Variants in SESTD1 observed in about 807,000 individuals in gnomAD.
SESTD1 encodes SEC14 domain and spectrin repeat-containing protein 1.
Under a neutral mutation model 101.7 loss-of-function variants are expected in SESTD1, and 43 were observed. That is an observed-to-expected ratio of 0.42 (90% CI 0.33 to 0.55). The LOEUF is 0.55. Among genes scored for constraint, SESTD1 ranks in the 20% least tolerant of loss-of-function variants. The pLI is 0.07. For missense variants in SESTD1, 647 were observed against 815.1 expected (o/e 0.79, Z 2.51); for synonymous variants, 283 against 286.8 (o/e 0.99, Z 0.13).
intron 2 of SESTD1, among the ~76,000 whole-genome samples, chr2:179,190,717 T>C (rs1423488593): frequency 1.3e-5 from 2 of 152,082 alleles, no homozygotes; most frequent in African/African-American, 4.8e-5. Flanking sequence ...CATTAAAAAG[T>C]GGGCAAAGGA....
intron 10 of SESTD1, among the ~76,000 whole-genome samples, chr2:179,127,076 T>A (rs2044890437): frequency 6.6e-6 from 1 of 152,240 alleles, no homozygotes; most frequent in African/African-American, 2.4e-5. Context: ...AATTTCAAGT[T>A]TCTTTTCATG....
At chr2:179,263,823 G>A (rs906237876) in intron 1 of SESTD1, among the ~76,000 whole-genome samples, 1 of 152,108 alleles carries the variant, frequency 6.6e-6, no homozygotes, top group Admixed American at 6.5e-5. Flanking sequence ...ACAGACCCTG[G>A]CCAACCCTCT....
At chr2:179,140,836 G>A (rs2045261331) in intron 9 of SESTD1, among the ~76,000 whole-genome samples, 1 of 152,088 alleles carries the variant, frequency 6.6e-6, no homozygotes, top group Non-Finnish European at 1.5e-5. Context: ...AACAGCGTTT[G>A]ACAGGGTTAT....
At chr2:179,154,271 AAGGAAGGAAGGG>A (rs931922846) in intron 5 of SESTD1, among the ~76,000 whole-genome samples, 1 of 144,440 alleles carries the variant, frequency 6.9e-6, no homozygotes, top group Non-Finnish European at 1.5e-5. Flanking sequence ...GAAGAAAGGG[AAGGAAGGAAGGG>A]AGGAAGGAAG....
At position 179,230,113 on chromosome 2, in the gene SESTD1, C is replaced by CTTTTTTTTTTTTTTTT. The variant is rs71023474; in HGVS notation, c.-26+34370_-26+34385dup. Among the ~76,000 whole-genome samples the CTTTTTTTTTTTTTTTT allele has an allele frequency of 2.5e-4, 14 of 56,420 alleles. 4 individuals are homozygous for CTTTTTTTTTTTTTTTT. The highest frequency in any genetic ancestry group is 1.2e-3 in the Admixed American group (4 of 3,420). The allele number at this position is 56,420 out of a possible 152,430, so 37.0% of individuals were successfully genotyped here. A position where few individuals can be genotyped will look rare whatever the true frequency, so the allele number is the denominator to read the frequency against. ...AAATATTCCAAACTGGATTGTATCTCTTTTTTTTTTTTTTTTTTTTTTTTT... is the reference window on the plus strand; with the variant it reads ...AAATATTCCAAACTGGATTGTATCTCTTTTTTTTTTTTTTTTTTTTTTTTTTTTTTTTTTTTTTTTT... On this transcript the variant is annotated intron_variant, in intron 1 of 17. Coordinates refer to ENST00000428443, the MANE Select transcript of SESTD1 (RefSeq NM_178123.5).
chr2:179,164,282 C>T (rs1050918108), intron 5 of SESTD1, among the ~76,000 whole-genome samples: 1 of 152,060 alleles, frequency 6.6e-6, no homozygotes, highest in African/African-American at 2.4e-5. Context: ...CTGGATCCTA[C>T]AATTATGTAT....
intron 5 of SESTD1, among the ~76,000 whole-genome samples, chr2:179,166,094 G>A (rs1246231266): frequency 3.9e-5 from 6 of 152,110 alleles, no homozygotes; most frequent in Non-Finnish European, 7.4e-5. Flanking sequence ...TAGGAATTTA[G>A]GTTAAAATTT....
chr2:179,171,769 T>C (rs564953102), intron 5 of SESTD1, among the ~76,000 whole-genome samples: 30 of 152,258 alleles, frequency 2.0e-4, no homozygotes, highest in African/African-American at 7.2e-4. Context: ...TCACAAAAAA[T>C]AGACTATAAT....
At chr2:179,219,538 G>T (rs1004292067) in intron 1 of SESTD1, among the ~76,000 whole-genome samples, 12 of 152,196 alleles carry the variant, frequency 7.9e-5, no homozygotes, top group African/African-American at 2.9e-4. Context: ...CTTAAGTTGA[G>T]ATTAGAAATA....
chr2:179,105,626 A>ATACTC lies in SESTD1; in HGVS notation c.*4268_*4272dup, dbSNP rs1325685465. On this transcript the variant is annotated 3_prime_UTR_variant, in exon 18 of 18. Coordinates refer to ENST00000428443, the MANE Select transcript of SESTD1 (RefSeq NM_178123.5). ...TGTGAGACAACAGAAAGGATAAAGA[A>ATACTC]TACTCTATTTTTTATTCTGAAAAGA... 2 of 152,182 alleles carry ATACTC rather than the reference A, an allele frequency of 1.3e-5. No individual in the cohort carries two copies. The highest frequency in any genetic ancestry group is 2.9e-5 in the Non-Finnish European group (2 of 68,026). 9.4% of individuals were successfully genotyped at this position (152,182 alleles called of 1,614,324 possible).
At position 179,110,180 on chromosome 2, in the gene SESTD1, G is replaced by C; in HGVS notation, c.1962-152C>G. 4.2e-6 allele frequency: 3 copies of C among 714,186 alleles called. No homozygotes were observed. In the East Asian group the frequency reaches 8.4e-5, roughly 20 times the overall value. The allele number at this position is 714,186 out of a possible 1,614,324, so 44.2% of individuals were successfully genotyped here. ...CATCGGTGATCATACTGTTTGAGCA[G>C]GAAATTCAGCAGGAAAAACATTTTT... On this transcript the variant is annotated intron_variant, in intron 17 of 17. Transcript: ENST00000428443.
intron 5 of SESTD1, among the ~76,000 whole-genome samples, chr2:179,152,279 A>T (rs2045545686): frequency 6.6e-6 from 1 of 152,226 alleles, no homozygotes; most frequent in Non-Finnish European, 1.5e-5. Flanking sequence ...GGTTACAGGG[A>T]AACCTGTAAC....
At position 179,109,938 on chromosome 2, in the gene SESTD1, C is replaced by T; in HGVS notation, c.2052G>A (p.Gln684=). 3 of 1,613,886 alleles carry T rather than the reference C, an allele frequency of 1.9e-6. No individual in the cohort carries two copies. Among genetic ancestry groups the T allele is most frequent in the Non-Finnish European group, 8.5e-7 (1 of 1,179,886 alleles). The part of the protein sequence containing the change: ...DRMKLVNLKR[Q]QLRHPEMVTT... ...TCACCATTTCAGGATGTCTCAGCTG[C>T]TGCCTTTTGAGATTAACTAGTTTCA... Residue 684 remains glutamine (Q), a synonymous_variant, in exon 18 of 18, where the codon CAG becomes CAA. Coordinates refer to ENST00000428443, the MANE Select transcript of SESTD1 (RefSeq NM_178123.5).
intron 1 of SESTD1, chr2:179,264,008 A>C (rs903837209): frequency 6.6e-6 from 1 of 152,242 alleles, no homozygotes; most frequent in African/African-American, 2.4e-5. Context: ...CACACAAAGG[A>C]GCCAGTCGCG....
At position 179,144,454 on chromosome 2, in the gene SESTD1, G is replaced by A. The variant is rs62177278; in HGVS notation, c.638-651C>T. Among the ~76,000 whole-genome samples, 992 of 152,168 alleles carry A rather than the reference G, an allele frequency of 6.5e-3. 8 individuals are homozygous for A. The highest frequency in any genetic ancestry group is 0.017 in the South Asian group (80 of 4,822). ...GCCATACTAGTGTTAGAACTGCAAT[G>A]AATGTGACTCAATTACAGCAAACTC... On this transcript the variant is annotated intron_variant, in intron 8 of 17. Coordinates refer to ENST00000428443, the MANE Select transcript of SESTD1 (RefSeq NM_178123.5).
intron 1 of SESTD1, among the ~76,000 whole-genome samples, chr2:179,213,907 A>C (rs1430348739): frequency 7.4e-6 from 1 of 134,522 alleles, no homozygotes; most frequent in Non-Finnish European, 1.6e-5. Flanking sequence ...GAGAAATAAA[A>C]TCCTTCACAG....
rs2046593512 is a variant in SESTD1 at position 179,206,549 on chromosome 2, C to T, written c.-25-14683G>A. Among the ~76,000 whole-genome samples, 6 of 135,862 alleles carry T rather than the reference C, an allele frequency of 4.4e-5. 1 individual carries two copies. Among genetic ancestry groups the T allele is most frequent in the Admixed American group, 4.3e-4 (6 of 14,032 alleles). 89.1% of individuals were successfully genotyped at this position (135,862 alleles called of 152,430 possible). ...AGGGAAGCCATTCCTGACCTCATTT[C>T]ACAGAGGTCCCTTAGGGAAGGTAAG... On this transcript the variant is annotated intron_variant, in intron 1 of 17. Transcript: ENST00000428443.
intron 5 of SESTD1, 65 bp from the exon 6 acceptor site, chr2:179,151,456 A>G (rs2045528724): frequency 1.3e-5 from 15 of 1,137,108 alleles, no homozygotes; most frequent in Non-Finnish European, 1.8e-5. Flanking sequence ...GAAAGTAACC[A>G]GGAGGTAAAA....
intron 1 of SESTD1, among the ~76,000 whole-genome samples, chr2:179,196,955 G>A (rs567646869): frequency 4.9e-4 from 75 of 152,322 alleles, no homozygotes; most frequent in African/African-American, 1.5e-3. Flanking sequence ...AAAGCTGGAC[G>A]GAGAATGATT....
Sources: gnomAD v4.1 joint callset for allele counts (sites outside exome capture counted in the v4.1 genomes callset) on GRCh38, gnomAD v4.1.1 for gene constraint, MANE v1.5 for transcripts, NCBI Gene and HGNC (gene_info 2026-07-23, HGNC 2026-07-21) for gene names.